SLC36A1: variants seen among roughly 807,000 people sequenced by gnomAD.
The protein encoded by SLC36A1 is solute carrier family 36 member 1.
A neutral mutation model predicts 47.5 loss-of-function variants in SLC36A1; 30 were observed. The ratio of observed to expected loss-of-function variants is 0.63; its 90% CI spans 0.47 to 0.86. The LOEUF (loss-of-function observed/expected upper bound fraction) is 0.86. Among genes scored for constraint, SLC36A1 ranks in the 40% least tolerant of loss-of-function variants. The pLI, the probability that SLC36A1 is intolerant of heterozygous loss-of-function variation, is 0.00. For missense variants in SLC36A1, 517 were observed against 606.0 expected (o/e 0.85, Z 1.54); for synonymous variants, 255 against 249.7 (o/e 1.02, Z -0.20).
At chr5:151,526,773 C>A in the SLC36A1 span, among the ~76,000 whole-genome samples, 1 of 152,110 alleles carries the variant, frequency 6.6e-6, no homozygotes, top group African/African-American at 2.4e-5. Flanking sequence ...AGAACTCTGC[C>A]TTTTTATTCA....
At position 151,467,793 on chromosome 5, in the gene SLC36A1, C is replaced by T; in HGVS notation, c.591C>T (p.Tyr197=). 7 of 1,614,092 alleles carry T rather than the reference C, an allele frequency of 4.3e-6. No individual in the cohort carries two copies. The highest frequency in any genetic ancestry group is 1.3e-5 in the African/African-American group (1 of 75,024). The change falls in exon 7 of 11, where the codon TAC becomes TAT. Residue 197 remains tyrosine (Y), a synonymous_variant. Transcript: ENST00000243389. The part of the protein sequence containing the change: ...ILTPTMDSRL[Y]MLSFLPFLVL... Reference sequence around the variant, plus strand: ...CGCCTACCATGGACTCGCGACTCTACATGCTCTCCTTCCTGCCCTTCCTGG... The same window carrying T: ...CGCCTACCATGGACTCGCGACTCTATATGCTCTCCTTCCTGCCCTTCCTGG...
At chr5:151,515,846 C>A in the SLC36A1 span, among the ~76,000 whole-genome samples, 1 of 152,160 alleles carries the variant, frequency 6.6e-6, no homozygotes, top group Non-Finnish European at 1.5e-5. Context: ...CATGATGACC[C>A]TTTTAAAATA....
At chr5:151,493,497 A>G (rs1031400265), downstream of SLC36A1, among the ~76,000 whole-genome samples, 12 of 152,226 alleles carry the variant, frequency 7.9e-5, no homozygotes, top group African/African-American at 2.2e-4. Flanking sequence ...TTGGGGTTCA[A>G]TTAATTTGCT....
the SLC36A1 span, among the ~76,000 whole-genome samples, chr5:151,422,482 G>A: frequency 6.6e-6 from 1 of 152,176 alleles, no homozygotes; most frequent in African/African-American, 2.4e-5. Flanking sequence ...TTGGGAAGTG[G>A]AGGCAGGAAC....
At chr5:151,506,033 G>C in the SLC36A1 span, 2 of 1,568,894 alleles carry the variant, frequency 1.3e-6, no homozygotes, top group Non-Finnish European at 1.7e-6. Context: ...CTTCGGAGTG[G>C]GGGTATTCCC....
chr5:151,521,785 G>A, the SLC36A1 span: 68 of 1,614,080 alleles, frequency 4.2e-5, no homozygotes, highest in African/African-American at 6.7e-5. Flanking sequence ...ATCGCTGACC[G>A]TGACGTTGAA....
chr5:151,546,496 T>C, the SLC36A1 span, among the ~76,000 whole-genome samples: 3 of 152,160 alleles, frequency 2.0e-5, no homozygotes, highest in African/African-American at 7.2e-5. Flanking sequence ...GTAGATACTT[T>C]ATAAAATCTC....
At chr5:151,457,136 CT>C (rs1475873681) in intron 1 of SLC36A1, among the ~76,000 whole-genome samples, 1 of 152,066 alleles carries the variant, frequency 6.6e-6, no homozygotes, top group Non-Finnish European at 1.5e-5. Flanking sequence ...GAAGTTGACT[CT>C]TTCACTGTGC....
intron 10 of SLC36A1, among the ~76,000 whole-genome samples, chr5:151,482,727 T>G (rs1483871880): frequency 6.6e-6 from 1 of 152,216 alleles, no homozygotes; most frequent in Non-Finnish European, 1.5e-5. Context: ...ATGTTGGACA[T>G]GGTGGTTGTT....
chr5:151,440,697 C>A (rs530509656), intron 1 of SLC36A1, among the ~76,000 whole-genome samples: 1 of 152,268 alleles, frequency 6.6e-6, no homozygotes, highest in South Asian at 2.1e-4. Flanking sequence ...AGCGCCTGAT[C>A]TCATCTGCTT....
the SLC36A1 span, chr5:151,545,037 C>T: frequency 6.2e-7 from 1 of 1,614,050 alleles, no homozygotes; most frequent in African/African-American, 1.3e-5. Flanking sequence ...CCTGCTGCTC[C>T]CGGTCAAACG....
the SLC36A1 span, chr5:151,550,964 C>T: frequency 8.9e-7 from 1 of 1,123,326 alleles, no homozygotes; most frequent in East Asian, 2.4e-5. Context: ...CCAGGCCTAG[C>T]ACAGTGCCTG....
the SLC36A1 span, among the ~76,000 whole-genome samples, chr5:151,356,938 G>T: frequency 6.6e-6 from 1 of 152,324 alleles, no homozygotes; most frequent in Admixed American, 6.5e-5. Context: ...AAGCCAGGTA[G>T]CTGATGATAA....
chr5:151,381,832 A>T, the SLC36A1 span: 8 of 175,042 alleles, frequency 4.6e-5, no homozygotes, highest in African/African-American at 1.7e-4. Context: ...AACTGCCCCT[A>T]AATGCCTGGG....
At chr5:151,448,176 C>A (rs1007797425) in intron 1 of SLC36A1, among the ~76,000 whole-genome samples, 1 of 152,156 alleles carries the variant, frequency 6.6e-6, no homozygotes, top group African/African-American at 2.4e-5. Flanking sequence ...TCGTCTGGTG[C>A]AGCTCCCTCC....
chr5:151,405,059 C>A, the SLC36A1 span, among the ~76,000 whole-genome samples: 2,264 of 152,252 alleles, frequency 0.015, 72 homozygotes, highest in African/African-American at 0.052. Flanking sequence ...TACATAAGCC[C>A]ATATTTCCCA....
At chr5:151,443,971 A>G (rs1490337291), upstream of SLC36A1, among the ~76,000 whole-genome samples, 2 of 152,036 alleles carry the variant, frequency 1.3e-5, no homozygotes, top group Non-Finnish European at 2.9e-5. Context: ...AAATTAGTTG[A>G]CCATATATGT....
the SLC36A1 span, among the ~76,000 whole-genome samples, chr5:151,409,986 G>A: frequency 6.6e-6 from 1 of 152,144 alleles, no homozygotes; most frequent in African/African-American, 2.4e-5. Context: ...CTATATACCA[G>A]GCAGAATCCT....
At chr5:151,424,314 G>A in the SLC36A1 span, among the ~76,000 whole-genome samples, 1 of 152,222 alleles carries the variant, frequency 6.6e-6, no homozygotes, top group Non-Finnish European at 1.5e-5. Context: ...AGAAGGCGAA[G>A]GGATGGGGGT....
Sources: gnomAD v4.1 joint callset for allele counts (sites outside exome capture counted in the v4.1 genomes callset) on GRCh38, gnomAD v4.1.1 for gene constraint, MANE v1.5 for transcripts, NCBI Gene and HGNC (gene_info 2026-07-23, HGNC 2026-07-21) for gene names.